Variants in SLC8A1 observed in about 807,000 individuals in gnomAD.
The protein encoded by SLC8A1 is solute carrier family 8 member A1.
A neutral mutation model predicts 68.3 loss-of-function variants in SLC8A1; 18 were observed. That is an observed-to-expected ratio of 0.26 (90% CI 0.18 to 0.39). The LOEUF (loss-of-function observed/expected upper bound fraction) is 0.39, where lower values mean the gene tolerates loss of function less well. SLC8A1 is among the 10% of genes least tolerant of loss of function. The pLI is 1.00. For missense variants in SLC8A1, 985 were observed against 1,156.7 expected (o/e 0.85, Z 2.15); for synonymous variants, 475 against 415.5 (o/e 1.14, Z -1.74).
chr2:40,168,634 T>G (rs926296212), intron 4 of SLC8A1, among the ~76,000 whole-genome samples: 2 of 152,202 alleles, frequency 1.3e-5, no homozygotes, highest in African/African-American at 4.8e-5. Flanking sequence ...CGGAAATGGT[T>G]TAACAGCATT....
chr2:40,404,272 A>G (rs78348644), intron 2 of SLC8A1, among the ~76,000 whole-genome samples: 20,037 of 152,190 alleles, frequency 0.13, 1,708 homozygotes, highest in Middle Eastern at 0.27. Context: ...ATCTGACAAC[A>G]TATCTTTTTT....
chr2:40,315,966 T>C (rs896538415), intron 2 of SLC8A1, among the ~76,000 whole-genome samples: 8 of 152,006 alleles, frequency 5.3e-5, no homozygotes, highest in African/African-American at 2.4e-5. Context: ...CCAATTTAAA[T>C]TGTGTGCTAT....
chr2:40,439,989 C>G (rs1008567631), intron 1 of SLC8A1, among the ~76,000 whole-genome samples: 1 of 151,988 alleles, frequency 6.6e-6, no homozygotes, highest in Non-Finnish European at 1.5e-5. Flanking sequence ...TTACCTATTA[C>G]AATACACTTT....
chr2:40,232,192 AC>A (rs1422753764), intron 2 of SLC8A1, among the ~76,000 whole-genome samples: 7 of 152,122 alleles, frequency 4.6e-5, no homozygotes, highest in African/African-American at 1.7e-4. Context: ...GAGACCCTGA[AC>A]ATTTCAAAAA....
At chr2:40,200,077 A>G (rs1342461463) in intron 2 of SLC8A1, among the ~76,000 whole-genome samples, 3 of 142,916 alleles carry the variant, frequency 2.1e-5, no homozygotes, top group African/African-American at 7.9e-5. Flanking sequence ...AGCACAAACT[A>G]TAAGAAGAGT....
At chr2:40,181,680 T>C (rs1490312640) in intron 2 of SLC8A1, among the ~76,000 whole-genome samples, 4 of 152,194 alleles carry the variant, frequency 2.6e-5, no homozygotes, top group Admixed American at 2.0e-4. Flanking sequence ...AAGTCAGTCC[T>C]TATGAATTAG....
chr2:40,489,916 G>T (rs929859525), intron 1 of SLC8A1, among the ~76,000 whole-genome samples: 2 of 152,054 alleles, frequency 1.3e-5, no homozygotes, highest in African/African-American at 4.8e-5. Context: ...CCATTAGTCA[G>T]ATTTTACAAC....
chr2:40,463,895 T>TAG lies in SLC8A1; in HGVS notation c.-24-33592_-24-33591insCT, dbSNP rs1290335633. Among the ~76,000 whole-genome samples, 675 of 143,138 alleles carry TAG rather than the reference T, an allele frequency of 4.7e-3. 8 individuals are homozygous for TAG. Among genetic ancestry groups the TAG allele is most frequent in the African/African-American group, 0.013 (499 of 37,154 alleles). 93.9% of individuals were successfully genotyped at this position (143,138 alleles called of 152,430 possible). ...ACACACACACACACACACATATATA[T>TAG]ATAGAGAGAGAGACAGATTGATGGT... On this transcript the variant is annotated intron_variant, in intron 1 of 7. Coordinates refer to the SLC8A1 transcript ENST00000402441.
upstream of SLC8A1, chr2:40,453,181 T>A (rs886500527): frequency 1.3e-5 from 2 of 152,168 alleles, no homozygotes; most frequent in Non-Finnish European, 2.9e-5. Flanking sequence ...AGTCAGATGC[T>A]GTAGAATCTG....
At chr2:40,212,219 GTTCC>G (rs1276029305) in intron 2 of SLC8A1, among the ~76,000 whole-genome samples, 1 of 150,686 alleles carries the variant, frequency 6.6e-6, no homozygotes, top group Non-Finnish European at 1.5e-5. Context: ...TTAAGTCATA[GTTCC>G]TCATTCTGGC....
intron 2 of SLC8A1, among the ~76,000 whole-genome samples, chr2:40,339,458 T>A (rs1667024415): frequency 6.6e-6 from 1 of 152,194 alleles, no homozygotes; most frequent in Admixed American, 6.6e-5. Context: ...AGAATTCACT[T>A]TACCATTTTT....
chr2:40,176,031 G>T (rs143485063), intron 3 of SLC8A1: 5 of 438,732 alleles, frequency 1.1e-5, no homozygotes, highest in South Asian at 3.2e-5. Flanking sequence ...CATTGGGTTG[G>T]GGGGAGGGGG....
chr2:40,215,996 G>A, intron 2 of SLC8A1, among the ~76,000 whole-genome samples: 1 of 137,478 alleles, frequency 7.3e-6, no homozygotes, highest in South Asian at 2.3e-4. Context: ...TGACATATAA[G>A]CCTTCCCAGT....
At chr2:40,235,712 T>C (rs2060273822) in intron 2 of SLC8A1, among the ~76,000 whole-genome samples, 1 of 151,670 alleles carries the variant, frequency 6.6e-6, no homozygotes, top group Non-Finnish European at 1.5e-5. Flanking sequence ...TTTTGGATCT[T>C]TCCTGCTTTC....
chr2:40,406,767 AC>A (rs1189775149), intron 2 of SLC8A1, among the ~76,000 whole-genome samples: 1 of 152,080 alleles, frequency 6.6e-6, no homozygotes, highest in Non-Finnish European at 1.5e-5. Flanking sequence ...TTGTCAGCTC[AC>A]CCCATTTGTT....
Position 40,463,436 on chromosome 2 carries a change from C to T in SLC8A1, c.-24-33132G>A, listed in dbSNP as rs191734175. ...CCTAAGATCAAGGTGATATCTGCTT[C>T]ATTCTAAAGAATCGCCTTAGTTCCA... On this transcript the variant is annotated intron_variant, in intron 1 of 7. Transcript: ENST00000402441. Among the ~76,000 whole-genome samples the T allele has an allele frequency of 3.3e-3, 504 of 152,314 alleles. 6 individuals carry two copies. Among genetic ancestry groups the T allele is most frequent in the Non-Finnish European group, 1.2e-3 (84 of 68,030 alleles).
At chr2:40,233,059 A>T (rs2148908458) in intron 2 of SLC8A1, among the ~76,000 whole-genome samples, 1 of 152,236 alleles carries the variant, frequency 6.6e-6, no homozygotes, top group East Asian at 1.9e-4. Flanking sequence ...CAGTAAACAT[A>T]CGTGTGCATG....
Position 40,216,997 on chromosome 2 carries a change from G to A in SLC8A1, c.1809-39142C>T, listed in dbSNP as rs115130166. 8.6e-3 allele frequency among the ~76,000 whole-genome samples: 1,310 copies of A among 152,222 alleles called. 22 individuals are homozygous for A. Among genetic ancestry groups the A allele is most frequent in the African/African-American group, 0.03 (1,227 of 41,546 alleles). On this transcript the variant is annotated intron_variant, in intron 2 of 7. Transcript: ENST00000406785. ...TCTTTTGCTATGCCGAAGCTTTTTA[G>A]TTTAATTGGATCCCATTTCTCAATT...
intron 1 of SLC8A1, among the ~76,000 whole-genome samples, chr2:40,461,141 T>C (rs969129736): frequency 3.3e-5 from 5 of 152,176 alleles, no homozygotes; most frequent in Non-Finnish European, 2.9e-5. Flanking sequence ...GGAATCACTC[T>C]GGATGGTTTC....
Sources: allele counts gnomAD v4.1 joint callset (sites outside exome capture counted in the v4.1 genomes callset), GRCh38; gene constraint gnomAD v4.1.1; transcripts MANE v1.5; gene names NCBI Gene and HGNC (gene_info 2026-07-23, HGNC 2026-07-21).